Variants in ERC1 observed in about 807,000 individuals in gnomAD.
The protein encoded by ERC1 is RAB6 interacting protein 2.
Under a neutral mutation model 132.0 loss-of-function variants are expected in ERC1, and 56 were observed. The observed-to-expected ratio is 0.42, with a 90% CI of 0.34 to 0.53. The LOEUF (loss-of-function observed/expected upper bound fraction) is 0.53, where lower values mean the gene tolerates loss of function less well. Ranked by LOEUF, ERC1 falls within the 20% of genes least tolerant of loss-of-function variation. The probability of loss-of-function intolerance (pLI) is 0.03; values close to 1 mark genes in which losing one functional copy is unlikely to be tolerated. For missense variants in ERC1, 1,202 were observed against 1,349.9 expected, an observed-to-expected ratio of 0.89 and a Z score of 1.72; for synonymous variants, 478 against 476.1, an observed-to-expected ratio of 1.00 and a Z score of -0.05.
chr12:1,080,293 C>T (rs946964822), intron 2 of ERC1, among the ~76,000 whole-genome samples: 1 of 152,176 alleles, frequency 6.6e-6, no homozygotes, highest in Non-Finnish European at 1.5e-5. Flanking sequence ...CTGTCCCACT[C>T]CTATGTCCTG....
In ERC1 at chr12:1,316,133, C is replaced by T. The variant is rs762349723; in HGVS notation, c.2780+26121C>T. Among the ~76,000 whole-genome samples the T allele has an allele frequency of 2.6e-5, 4 of 152,224 alleles. No individual in the cohort carries two copies. In the East Asian group the frequency reaches 7.8e-4, roughly 30 times the overall value. On this transcript the variant is annotated intron_variant, in intron 15 of 18. Coordinates refer to ENST00000360905, the MANE Select transcript of ERC1 (RefSeq NM_178040.4). ...TGATCTCCTGACCTCGTGATCCACC[C>T]GCCTCGGCCTCCCAAAGTGCTGGGA...
chr12:1,322,615 A>T (rs73034944), intron 15 of ERC1, among the ~76,000 whole-genome samples: 1 of 152,282 alleles, frequency 6.6e-6, no homozygotes, highest in Non-Finnish European at 1.5e-5. Context: ...TAGTCTAAAC[A>T]TCTTTAATAA....
chr12:1,168,174 G>C (rs1048898202), intron 8 of ERC1, among the ~76,000 whole-genome samples: 13 of 152,116 alleles, frequency 8.5e-5, no homozygotes, highest in African/African-American at 3.1e-4. Flanking sequence ...AGGCTGCCGT[G>C]TAGTGGTGCG....
At chr12:1,251,738 C>G (rs967322376) in intron 13 of ERC1, among the ~76,000 whole-genome samples, 1 of 152,126 alleles carries the variant, frequency 6.6e-6, no homozygotes, top group Non-Finnish European at 1.5e-5. Flanking sequence ...TAGTACTTTT[C>G]CCTCTGGCCA....
At chr12:1,275,179 A>T (rs2078176289) in intron 14 of ERC1, among the ~76,000 whole-genome samples, 1 of 152,112 alleles carries the variant, frequency 6.6e-6, no homozygotes, top group South Asian at 2.1e-4. Flanking sequence ...GGTAAGACTT[A>T]TTTCCTGTTT....
chr12:1,136,255 G>A (rs926963869), intron 7 of ERC1, among the ~76,000 whole-genome samples: 1 of 152,142 alleles, frequency 6.6e-6, no homozygotes, highest in Non-Finnish European at 1.5e-5. Flanking sequence ...TCTATTCATA[G>A]CTCTCTGAGA....
At chr12:1,176,288 G>T (rs1420971283) in intron 8 of ERC1, among the ~76,000 whole-genome samples, 2 of 152,208 alleles carry the variant, frequency 1.3e-5, no homozygotes, top group Non-Finnish European at 2.9e-5. Flanking sequence ...CAGATGCATT[G>T]TCAGTGAGCA....
At chr12:1,313,288 C>T (rs1348562284) in intron 15 of ERC1, among the ~76,000 whole-genome samples, 2 of 152,124 alleles carry the variant, frequency 1.3e-5, no homozygotes, top group Non-Finnish European at 2.9e-5. Context: ...CTTCTTCTTA[C>T]TGGCCAGAAC....
At chr12:1,463,648 T>TA (rs1259561774) in intron 18 of ERC1, among the ~76,000 whole-genome samples, 1 of 149,766 alleles carries the variant, frequency 6.7e-6, no homozygotes, top group East Asian at 1.9e-4. Flanking sequence ...TGTGTGTCCG[T>TA]ATCAGGACTG....
intron 15 of ERC1, among the ~76,000 whole-genome samples, chr12:1,348,453 G>A (rs139935426): frequency 0.018 from 2,732 of 152,198 alleles, 86 homozygotes; most frequent in African/African-American, 0.063. Flanking sequence ...TTGGGAGGCC[G>A]AGGCGGGCAG....
At chr12:1,229,253 G>C (rs61911970) in intron 12 of ERC1, among the ~76,000 whole-genome samples, 29,999 of 152,174 alleles carry the variant, frequency 0.2, 3,487 homozygotes, top group Non-Finnish European at 0.27. Flanking sequence ...TGTAATCCCA[G>C]CATTTTGGGA....
rs143586927 is a variant in ERC1 at position 1,197,812 on chromosome 12, C to T, written c.2351+7760C>T. ...GGTTGAGCTCTACTGGAAGGTATCA[C>T]TTAACATACCACAGAGGCTGGTCAT... On this transcript the variant is annotated intron_variant, in intron 12 of 18. Transcript: ENST00000360905. 5.8e-3 allele frequency among the ~76,000 whole-genome samples: 882 copies of T among 152,332 alleles called. 7 individuals carry two copies. Among genetic ancestry groups the T allele is most frequent in the Non-Finnish European group, 9.6e-3 (653 of 68,038 alleles).
chr12:1,437,521 GC>G lies in ERC1; in HGVS notation c.3025-7037del, dbSNP rs2092983119. ...ATGTCCTTCCCTTACTAGTAGGCAAGCCCCTAACAGTCTGTTCCCTATGCAC... is the reference window on the plus strand; with the variant it reads ...ATGTCCTTCCCTTACTAGTAGGCAAGCCCTAACAGTCTGTTCCCTATGCAC... On this transcript the variant is annotated intron_variant, in intron 17 of 18. Transcript: ENST00000360905. Among the ~76,000 whole-genome samples the G allele has an allele frequency of 9.2e-5, 14 of 152,330 alleles. 1 individual carries two copies. The South Asian group carries it at 2.9e-3, about 32-fold the overall frequency.
rs1403794463 is a variant in ERC1 at position 1,189,980 on chromosome 12, G to A, written c.2279G>A (p.Arg760Gln). 3.2e-5 allele frequency: 52 copies of A among 1,613,948 alleles called. No individual in the cohort carries two copies. Among genetic ancestry groups the A allele is most frequent in the Middle Eastern group, 1.6e-4 (1 of 6,084 alleles). ...ESSKAQAEVD[R>Q]LLEILKEVEN... ...AGCAAGGCCCAGGCAGAAGTTGATC[G>A]ACTCTTAGAAATCTTGAAGGAGGTG... Residue 760 changes from arginine (R) to glutamine (Q), a missense_variant, in exon 12 of 19, where the codon CGA becomes CAA. By Grantham distance (43) the Arg-to-Gln change is conservative. Coordinates refer to ENST00000360905, the MANE Select transcript of ERC1 (RefSeq NM_178040.4).
rs894567354 is a variant in ERC1 at position 1,271,794 on chromosome 12, A to T, written c.2619+8629A>T. Among the ~76,000 whole-genome samples the T allele has an allele frequency of 2.0e-5, 3 of 152,340 alleles. No individual in the cohort carries two copies. The East Asian group carries it at 5.8e-4, about 29-fold the overall frequency. On this transcript the variant is annotated intron_variant, in intron 14 of 18. Transcript: ENST00000360905. ...ATCTTTACACCAATATTTCCTTGAT[A>T]TCTCAACCAGAAACTAAGTTCAATC...
chr12:1,364,137 T>C (rs1273956859), intron 15 of ERC1, among the ~76,000 whole-genome samples: 1 of 152,224 alleles, frequency 6.6e-6, no homozygotes, highest in Non-Finnish European at 1.5e-5. Flanking sequence ...ATAGCAGTCT[T>C]TCATTTAGAG....
intron 16 of ERC1, among the ~76,000 whole-genome samples, chr12:1,387,809 G>T (rs528905404): frequency 7.9e-5 from 12 of 152,184 alleles, no homozygotes; most frequent in African/African-American, 2.9e-4. Flanking sequence ...TGTTGTTTGT[G>T]ATCATTTCTT....
chr12:1,323,373 T>G (rs1381379325), intron 15 of ERC1, among the ~76,000 whole-genome samples: 3 of 152,210 alleles, frequency 2.0e-5, no homozygotes, highest in Non-Finnish European at 4.4e-5. Flanking sequence ...TTAGTTAACA[T>G]GGAAAATAAC....
chr12:1,042,350 T>G (rs1314209582), intron 2 of ERC1, among the ~76,000 whole-genome samples: 29 of 142,750 alleles, frequency 2.0e-4, no homozygotes, highest in Non-Finnish European at 3.7e-4. Context: ...TTTTTTTTTT[T>G]TTTTTTCTTT....
Sources: allele counts gnomAD v4.1 joint callset (sites outside exome capture counted in the v4.1 genomes callset), GRCh38; gene constraint gnomAD v4.1.1; transcripts MANE v1.5; gene names NCBI Gene and HGNC (gene_info 2026-07-23, HGNC 2026-07-21).